ATOX1: variants seen among roughly 807,000 people sequenced by gnomAD.
ATOX1 encodes the protein antioxidant 1 copper chaperone, also known as copper transport protein ATOX1.
A neutral mutation model predicts 7.3 loss-of-function variants in ATOX1; 4 were observed. The observed-to-expected ratio is 0.55, with a 90% CI of 0.27 to 1.25. The LOEUF (loss-of-function observed/expected upper bound fraction) is 1.25. ATOX1 is among the 50% of genes most tolerant of loss of function. The pLI is 0.12. For missense variants in ATOX1, 68 were observed against 81.6 expected (o/e 0.83, Z 0.64); for synonymous variants, 25 against 28.7 (o/e 0.87, Z 0.41).
intron 1 of ATOX1, among the ~76,000 whole-genome samples, chr5:151,752,605 G>A (rs1030468333): frequency 6.6e-6 from 1 of 152,168 alleles, no homozygotes; most frequent in Admixed American, 6.5e-5. Flanking sequence ...AATTGACATG[G>A]CTGGTTTGAA....
chr5:151,756,645 T>C (rs976692448), intron 1 of ATOX1, among the ~76,000 whole-genome samples: 1 of 152,094 alleles, frequency 6.6e-6, no homozygotes, highest in Non-Finnish European at 1.5e-5. Context: ...GCTAATTTTT[T>C]GTATTTTTTG....
intron 1 of ATOX1, among the ~76,000 whole-genome samples, chr5:151,752,793 T>A (rs1051711532): frequency 4.9e-4 from 74 of 152,286 alleles, no homozygotes; most frequent in African/African-American, 1.8e-3. Context: ...TTTCCACATC[T>A]GAAAATTGAG....
chr5:151,749,256 T>G (rs968985374), intron 2 of ATOX1, among the ~76,000 whole-genome samples: 1 of 152,040 alleles, frequency 6.6e-6, no homozygotes, highest in Non-Finnish European at 1.5e-5. Flanking sequence ...GGGACCAAGG[T>G]GGGCAGGTCA....
intron 2 of ATOX1, among the ~76,000 whole-genome samples, chr5:151,747,327 A>G (rs368895543): frequency 1.3e-5 from 2 of 151,698 alleles, no homozygotes; most frequent in African/African-American, 4.8e-5. Context: ...ACTGTGTTAT[A>G]CAGGCTGGAG....
intron 2 of ATOX1, among the ~76,000 whole-genome samples, chr5:151,751,092 A>C (rs553940855): frequency 4.3e-4 from 66 of 152,090 alleles, no homozygotes; most frequent in African/African-American, 1.5e-3. Context: ...CCCCGTCTGT[A>C]CTGAAAATAC....
rs537246433 is a variant in ATOX1 at position 151,745,529 on chromosome 5, C to G, written c.*46+750G>C. On this transcript the variant is annotated intron_variant, in intron 3 of 3. Transcript: ENST00000313115. Reference sequence around the variant, plus strand: ...GAGTAAGGTCTGCCTGGTTCCAGAGCGAAGAGTGCTGGCACAGTGCCCCTT... The same window carrying G: ...GAGTAAGGTCTGCCTGGTTCCAGAGGGAAGAGTGCTGGCACAGTGCCCCTT... 2.0e-5 allele frequency: 3 copies of G among 152,334 alleles called. No homozygotes were observed. The East Asian group carries it at 5.8e-4, about 29-fold the overall frequency. The allele number at this position is 152,334 out of a possible 1,614,324, so 9.4% of individuals were successfully genotyped here.
intron 3 of ATOX1, chr5:151,743,956 G>C (rs1425836901): frequency 6.6e-6 from 1 of 152,184 alleles, no homozygotes; most frequent in East Asian, 1.9e-4. Flanking sequence ...AAAGTACCAT[G>C]AAAATTATTA....
intron 1 of ATOX1, chr5:151,752,553 G>C: frequency 1.8e-6 from 1 of 563,310 alleles, no homozygotes; most frequent in South Asian, 2.3e-5. Context: ...AACAGTGCCT[G>C]GACAGAGTAG....
chr5:151,749,426 G>A (rs992542854), intron 2 of ATOX1, among the ~76,000 whole-genome samples: 7 of 151,778 alleles, frequency 4.6e-5, no homozygotes, highest in African/African-American at 7.3e-5. Flanking sequence ...TGGAGGTTGC[G>A]GTGGGCTGAG....
At chr5:151,748,230 G>A (rs1489556040) in intron 2 of ATOX1, among the ~76,000 whole-genome samples, 2 of 152,180 alleles carry the variant, frequency 1.3e-5, no homozygotes, top group African/African-American at 2.4e-5. Context: ...CAAAAAGAAA[G>A]GAAAACTCTT....
intron 2 of ATOX1, among the ~76,000 whole-genome samples, chr5:151,751,130 C>A (rs1451589326): frequency 1.3e-5 from 2 of 151,914 alleles, no homozygotes; most frequent in Non-Finnish European, 2.9e-5. Context: ...GTGGTGCATG[C>A]CTGTAATCCC....
chr5:151,742,866 A>G lies in ATOX1; in HGVS notation c.*140T>C, dbSNP rs987547737. ...TTTTATTGCAGGGAAGCTAGGAAGGAATAGGACAACTGAGGGTCTCCGCAG... is the reference window on the plus strand; with the variant it reads ...TTTTATTGCAGGGAAGCTAGGAAGGGATAGGACAACTGAGGGTCTCCGCAG... On this transcript the variant is annotated 3_prime_UTR_variant, in exon 4 of 4. Transcript: ENST00000313115. 6.6e-6 allele frequency: 1 copy of G among 152,402 alleles called. No individual in the cohort carries two copies. Among genetic ancestry groups the G allele is most frequent in the Non-Finnish European group, 1.5e-5 (1 of 68,170 alleles). The allele number at this position is 152,402 out of a possible 1,614,324, so 9.4% of individuals were successfully genotyped here.
In ATOX1 at chr5:151,751,684, A is replaced by G. The variant is rs1761950385; in HGVS notation, c.82+20T>C. 4 of 1,593,418 alleles carry G rather than the reference A, an allele frequency of 2.5e-6. No individual in the cohort carries two copies. The highest frequency in any genetic ancestry group is 3.4e-6 in the Non-Finnish European group (4 of 1,170,036). ...TCTGAACATGGCATAAGTGCACCCA[A>G]CTCAGGGCCACTCACTCACCTCCAA... On this transcript the variant is annotated intron_variant, in intron 2 of 3. Coordinates refer to ENST00000313115, the MANE Select transcript of ATOX1 (RefSeq NM_004045.4).
At chr5:151,757,589 T>A (rs1216765704) in intron 1 of ATOX1, among the ~76,000 whole-genome samples, 1 of 152,168 alleles carries the variant, frequency 6.6e-6, no homozygotes, top group Non-Finnish European at 1.5e-5. Flanking sequence ...CCTCTGGGTA[T>A]CCACCTGGCC....
intron 3 of ATOX1, chr5:151,745,884 T>C (rs1561520647): frequency 6.1e-6 from 1 of 162,850 alleles, no homozygotes; most frequent in African/African-American, 2.4e-5. Flanking sequence ...ATCACACCTA[T>C]GAAGAGTTAC....
chr5:151,744,452 A>T (rs572256005), intron 3 of ATOX1: 51 of 152,330 alleles, frequency 3.3e-4, no homozygotes, highest in African/African-American at 1.2e-3. Context: ...ATTTCATCTC[A>T]ATAAAATAAC....
chr5:151,754,969 G>A (rs1453582744), intron 1 of ATOX1, among the ~76,000 whole-genome samples: 18 of 126,850 alleles, frequency 1.4e-4, no homozygotes, highest in Admixed American at 3.8e-4. Flanking sequence ...GCAAGAGAGC[G>A]AGACACCGTC....
chr5:151,751,923 T>C, intron 1 of ATOX1, 144 bp from the exon 2 acceptor site: 1 of 701,634 alleles, frequency 1.4e-6, no homozygotes, highest in South Asian at 1.9e-5. Flanking sequence ...CAGAAGCCTG[T>C]TTCTGAGCCC....
intron 1 of ATOX1, among the ~76,000 whole-genome samples, chr5:151,757,045 C>T (rs868682666): frequency 2.4e-4 from 37 of 152,096 alleles, no homozygotes; most frequent in African/African-American, 8.9e-4. Context: ...CCTGTGCTCT[C>T]GGGCATTTGT....
Sources: allele counts gnomAD v4.1 joint callset (sites outside exome capture counted in the v4.1 genomes callset), GRCh38; gene constraint gnomAD v4.1.1; transcripts MANE v1.5; gene names NCBI Gene and HGNC (gene_info 2026-07-23, HGNC 2026-07-21).